The following PPP2R3A variants were observed in gnomAD, a reference collection of about 807,000 sequenced individuals.
PPP2R3A encodes the protein serine/threonine-protein phosphatase 2A regulatory subunit B'' subunit alpha.
A neutral mutation model predicts 106.9 loss-of-function variants in PPP2R3A; 80 were observed. The observed-to-expected ratio is 0.75, with a 90% CI of 0.62 to 0.90. The LOEUF (loss-of-function observed/expected upper bound fraction) is 0.90. PPP2R3A is among the 40% of genes least tolerant of loss of function. The pLI is 0.00. For missense variants in PPP2R3A, 1,386 were observed against 1,350.4 expected, an observed-to-expected ratio of 1.03 and a Z score of -0.41; for synonymous variants, 483 against 468.3, an observed-to-expected ratio of 1.03 and a Z score of -0.41.
chr3:136,014,601 G>A (rs1258481970), intron 2 of PPP2R3A, among the ~76,000 whole-genome samples: 1 of 152,120 alleles, frequency 6.6e-6, no homozygotes, highest in Admixed American at 6.5e-5. Context: ...TTGTAAAAGG[G>A]GTTGAGTTCT....
chr3:135,979,900 A>G (rs1248542567), intron 1 of PPP2R3A, among the ~76,000 whole-genome samples: 1 of 151,918 alleles, frequency 6.6e-6, no homozygotes, highest in Non-Finnish European at 1.5e-5. Flanking sequence ...ATTGGTTTTA[A>G]GGAATAAACA....
chr3:135,966,131 C>G (rs1937075538), intron 1 of PPP2R3A, among the ~76,000 whole-genome samples: 1 of 152,058 alleles, frequency 6.6e-6, no homozygotes, highest in African/African-American at 2.4e-5. Flanking sequence ...CCCAGGGGCG[C>G]CCGCGGAGGA....
At chr3:136,055,745 T>A in intron 5 of PPP2R3A, 1 of 673,080 alleles carries the variant, frequency 1.5e-6, no homozygotes, top group South Asian at 2.0e-5. Context: ...AAATCATCTT[T>A]ATGGAATGTG....
chr3:136,047,352 A>G (rs1026242037), intron 4 of PPP2R3A, among the ~76,000 whole-genome samples: 9 of 152,342 alleles, frequency 5.9e-5, no homozygotes, highest in East Asian at 1.9e-4. Flanking sequence ...CATATGTTCA[A>G]TGAAGCACTG....
At chr3:136,044,724 G>A (rs1935415440) in intron 4 of PPP2R3A, among the ~76,000 whole-genome samples, 1 of 152,174 alleles carries the variant, frequency 6.6e-6, no homozygotes, top group Admixed American at 6.6e-5. Context: ...CTGAGAGTCA[G>A]TGGAGAGATG....
intron 6 of PPP2R3A, among the ~76,000 whole-genome samples, chr3:136,075,900 G>A (rs58592880): frequency 0.13 from 20,175 of 152,014 alleles, 1,980 homozygotes; most frequent in African/African-American, 0.29. Context: ...GTTTATTTTC[G>A]TACATAAATT....
At chr3:136,076,775 C>T (rs1044736419) in intron 6 of PPP2R3A, among the ~76,000 whole-genome samples, 1 of 151,972 alleles carries the variant, frequency 6.6e-6, no homozygotes, top group Admixed American at 6.6e-5. Context: ...AGTGAAACCC[C>T]GTCTCAACTA....
intron 6 of PPP2R3A, among the ~76,000 whole-genome samples, chr3:136,072,381 G>A (rs559199522): frequency 9.2e-5 from 14 of 152,180 alleles, no homozygotes; most frequent in Admixed American, 4.6e-4. Flanking sequence ...TACTTGAGGC[G>A]AGACATTCAA....
chr3:136,110,246 A>G (rs1384556093), intron 13 of PPP2R3A, among the ~76,000 whole-genome samples: 1 of 152,210 alleles, frequency 6.6e-6, no homozygotes, highest in African/African-American at 2.4e-5. Context: ...TATCAATGAA[A>G]TACTCAACAA....
intron 13 of PPP2R3A, among the ~76,000 whole-genome samples, chr3:136,110,558 C>A (rs780734049): frequency 7.9e-5 from 12 of 152,020 alleles, no homozygotes; most frequent in Non-Finnish European, 1.8e-4. Context: ...TAAAAAGATA[C>A]ACAGGAGAAG....
intron 5 of PPP2R3A, among the ~76,000 whole-genome samples, chr3:136,058,087 G>T (rs1370877102): frequency 1.3e-5 from 2 of 152,096 alleles, no homozygotes; most frequent in Non-Finnish European, 2.9e-5. Context: ...ATGTGAACTA[G>T]GTATTGAAGG....
chr3:136,082,195 G>T (rs988959284), intron 7 of PPP2R3A, 70 bp from the exon 8 acceptor site: 1 of 1,319,408 alleles, frequency 7.6e-7, no homozygotes, highest in Non-Finnish European at 1.0e-6. Flanking sequence ...ACAGAAATTC[G>T]CTAGACTCTG....
At chr3:136,102,401 C>T (rs940124097) in intron 11 of PPP2R3A, among the ~76,000 whole-genome samples, 2 of 134,760 alleles carry the variant, frequency 1.5e-5, no homozygotes, top group Admixed American at 8.6e-5. Context: ...GGCTGGAGTA[C>T]AATGGTGTGA....
At chr3:136,055,335 T>C in intron 5 of PPP2R3A, 1 of 938,934 alleles carries the variant, frequency 1.1e-6, no homozygotes, top group South Asian at 1.3e-5. Flanking sequence ...CTCAATTTTT[T>C]GATCAACTCT....
At chr3:136,128,665 G>T (rs1483034908) in intron 13 of PPP2R3A, among the ~76,000 whole-genome samples, 1 of 152,066 alleles carries the variant, frequency 6.6e-6, no homozygotes, top group Admixed American at 6.6e-5. Context: ...TGCAACAAGC[G>T]ACCTAATAGA....
intron 1 of PPP2R3A, 115 bp downstream of exon 1, chr3:135,965,964 C>T (rs1296533011): frequency 6.5e-6 from 1 of 152,790 alleles, no homozygotes; most frequent in Non-Finnish European, 1.5e-5. Flanking sequence ...GGGGCCGGGA[C>T]CTGGGGGCGG....
intron 1 of PPP2R3A, among the ~76,000 whole-genome samples, chr3:135,989,710 C>A (rs1205247694): frequency 6.6e-6 from 1 of 152,082 alleles, no homozygotes; most frequent in Non-Finnish European, 1.5e-5. Flanking sequence ...ACCTTACTTA[C>A]CATACAGCCT....
At chr3:136,106,379 G>A (rs1266695000) in intron 13 of PPP2R3A, 57 bp downstream of exon 13, 2 of 1,409,986 alleles carry the variant, frequency 1.4e-6, no homozygotes, top group South Asian at 1.2e-5. Flanking sequence ...CATGTCCAGA[G>A]TATTAAAACC....
At chr3:136,055,615 T>C in intron 5 of PPP2R3A, 1 of 1,383,012 alleles carries the variant, frequency 7.2e-7, no homozygotes. Context: ...AACTGCTGTA[T>C]TTAACACCTG....
Sources: allele counts gnomAD v4.1 joint callset (sites outside exome capture counted in the v4.1 genomes callset), GRCh38; gene constraint gnomAD v4.1.1; transcripts MANE v1.5; gene names NCBI Gene and HGNC (gene_info 2026-07-23, HGNC 2026-07-21).